Variants in PCDHA8 observed in about 807,000 individuals in gnomAD.
PCDHA8 encodes protocadherin alpha 8.
PCDHA8 carries 53 observed loss-of-function variants against 61.8 expected under a neutral mutation model. That is an observed-to-expected ratio of 0.86 (90% CI 0.69 to 1.08). The LOEUF (loss-of-function observed/expected upper bound fraction) is 1.08, where lower values mean the gene tolerates loss of function less well. Among genes scored for constraint, PCDHA8 ranks in the 50% least tolerant of loss-of-function variants. PCDHA8 has a pLI of 0.00. For synonymous variants in PCDHA8, 618 were observed against 556.6 expected (o/e 1.11, Z -1.55); for missense variants, 1,293 against 1,245.0 (o/e 1.04, Z -0.58).
intron 3 of PCDHA8, among the ~76,000 whole-genome samples, chr5:141,004,751 T>C (rs1323540564): frequency 2.0e-5 from 3 of 152,182 alleles, no homozygotes; most frequent in African/African-American, 7.2e-5. Flanking sequence ...TCTCAGTCTC[T>C]TAGAGACAGG....
At chr5:140,908,727 G>A (rs1388044565) in intron 1 of PCDHA8, among the ~76,000 whole-genome samples, 1 of 152,136 alleles carries the variant, frequency 6.6e-6, no homozygotes, top group Non-Finnish European at 1.5e-5. Context: ...GGGTCATATG[G>A]CTCGAGAAAC....
At chr5:140,918,111 C>A (rs1035723043) in intron 1 of PCDHA8, among the ~76,000 whole-genome samples, 1 of 152,016 alleles carries the variant, frequency 6.6e-6, no homozygotes, top group Admixed American at 6.6e-5. Flanking sequence ...CTTTCACATC[C>A]TTGATTAGCC....
chr5:140,966,816 G>A lies in PCDHA8; in HGVS notation c.2395-12133G>A, dbSNP rs1448171487. On this transcript the variant is annotated intron_variant, in intron 1 of 3. Transcript: ENST00000531613. ...GCGGCGACAGAGCATCCACGGCTCC[G>A]GCGGCCCATGCCCTGGCTGCTGCTA... 5.2e-6 allele frequency: 8 copies of A among 1,553,302 alleles called. No homozygotes were observed. The East Asian group carries it at 7.2e-5, about 14-fold the overall frequency.
At chr5:140,994,036 A>G (rs1176195849) in intron 3 of PCDHA8, among the ~76,000 whole-genome samples, 1 of 152,210 alleles carries the variant, frequency 6.6e-6, no homozygotes, top group African/African-American at 2.4e-5. Flanking sequence ...AATATTAAAT[A>G]TAACACAGTC....
chr5:140,842,383 C>G lies in PCDHA8; in HGVS notation c.1062C>G (p.Ser354=), dbSNP rs1554138979. 20 of 1,610,678 alleles carry G rather than the reference C, an allele frequency of 1.2e-5. No individual in the cohort carries two copies. In the South Asian group the frequency reaches 2.2e-4, roughly 18 times the overall value. The change falls in exon 1 of 4, where the codon TCC becomes TCG. Residue 354 remains serine (S), a synonymous_variant. Coordinates refer to ENST00000531613, the MANE Select transcript of PCDHA8 (RefSeq NM_018911.3). ...NDNVPEIALT[S]LSLPVREDAQ... is the part of the protein sequence containing the mutation. ...ACGTCCCTGAGATAGCACTGACTTC[C>G]TTATCCTTGCCTGTACGTGAAGACG... is the stretch of plus-strand genomic sequence containing the variant.
chr5:140,988,201 A>C (rs2097286908), intron 3 of PCDHA8, among the ~76,000 whole-genome samples: 1 of 152,064 alleles, frequency 6.6e-6, no homozygotes, highest in Non-Finnish European at 1.5e-5. Context: ...GCATATCCTT[A>C]TTAGGAAAAA....
intron 1 of PCDHA8, among the ~76,000 whole-genome samples, chr5:140,962,475 T>C (rs772721001): frequency 2.0e-5 from 3 of 152,232 alleles, no homozygotes; most frequent in Non-Finnish European, 4.4e-5. Context: ...TCTCTTTGTT[T>C]ATTCTAAGCA....
At chr5:140,887,431 A>C (rs2061444829) in intron 1 of PCDHA8, among the ~76,000 whole-genome samples, 1 of 152,112 alleles carries the variant, frequency 6.6e-6, no homozygotes, top group African/African-American at 2.4e-5. Context: ...AAGTATTTTC[A>C]CTGGGCATAG....
chr5:140,877,027 G>T lies in PCDHA8; in HGVS notation c.2394+33312G>T, dbSNP rs376609696. 1.3e-4 allele frequency: 211 copies of T among 1,612,282 alleles called. No individual in the cohort carries two copies. Among genetic ancestry groups the T allele is most frequent in the Admixed American group, 2.7e-4 (16 of 60,002 alleles). On this transcript the variant is annotated intron_variant, in intron 1 of 3. Coordinates refer to ENST00000531613, the MANE Select transcript of PCDHA8 (RefSeq NM_018911.3). ...GCACGCGGAGAGCGGCAAGGTGTAC[G>T]CGCTGCAGCCGCTAGACCACGAGGA...
chr5:140,905,399 A>AT (rs1414882789), intron 1 of PCDHA8, among the ~76,000 whole-genome samples: 8 of 152,142 alleles, frequency 5.3e-5, no homozygotes, highest in African/African-American at 1.9e-4. Context: ...CTGTGTGCCT[A>AT]TTTTTATACC....
At chr5:140,997,329 T>C (rs1030113015) in intron 3 of PCDHA8, among the ~76,000 whole-genome samples, 1 of 152,228 alleles carries the variant, frequency 6.6e-6, no homozygotes, top group African/African-American at 2.4e-5. Context: ...AGTTTTTTCG[T>C]TGTACAAATA....
chr5:140,882,565 C>A (rs782122682), intron 1 of PCDHA8: 9 of 1,614,118 alleles, frequency 5.6e-6, no homozygotes, highest in African/African-American at 2.7e-5. Flanking sequence ...GTGGGCGGAG[C>A]GCGGAGTGCA....
chr5:140,874,093 TG>T, intron 1 of PCDHA8, among the ~76,000 whole-genome samples: 2 of 152,364 alleles, frequency 1.3e-5, no homozygotes, highest in Middle Eastern at 6.8e-3. Context: ...AATTCAAATA[TG>T]TTTTTAATTA....
intron 1 of PCDHA8, among the ~76,000 whole-genome samples, chr5:140,912,818 A>T (rs2076075875): frequency 6.6e-6 from 1 of 152,052 alleles, no homozygotes; most frequent in South Asian, 2.1e-4. Context: ...TCATAAAGGG[A>T]TTTTGAATTT....
intron 1 of PCDHA8, among the ~76,000 whole-genome samples, chr5:140,933,309 A>G (rs183796217): frequency 4.7e-4 from 72 of 152,092 alleles, no homozygotes; most frequent in Middle Eastern, 6.8e-3. Context: ...TAAATATGCA[A>G]TCTCGTATTC....
chr5:140,870,353 T>C lies in PCDHA8; in HGVS notation c.2394+26638T>C, dbSNP rs782038424. On this transcript the variant is annotated intron_variant, in intron 1 of 3. Transcript: ENST00000531613. ...GACAGCGCCCTGGACCGCGAGAACG[T>C]GTGGGCCTATGAACTGGTGGTGACT... is the stretch of plus-strand genomic sequence containing the variant. The C allele has an allele frequency of 3.7e-6, 6 of 1,614,002 alleles. No homozygotes were observed. The Admixed American group carries it at 8.3e-5, about 22-fold the overall frequency.
rs76033389 is a variant in PCDHA8, at chr5:140,874,549, G to A, written c.2394+30834G>A. Among the ~76,000 whole-genome samples, 707 of 152,298 alleles carry A rather than the reference G, an allele frequency of 4.6e-3. 3 individuals are homozygous for A. The highest frequency in any genetic ancestry group is 0.016 in the African/African-American group (683 of 41,566). On this transcript the variant is annotated intron_variant, in intron 1 of 3. Transcript: ENST00000531613. ...GATTAGGCTCCAAAACCCTTTAAGA[G>A]ATCTTTCGCATTTTAGTGCTCCATT...
chr5:140,997,675 TG>T (rs1554255972), intron 3 of PCDHA8, among the ~76,000 whole-genome samples: 41 of 151,686 alleles, frequency 2.7e-4, no homozygotes, highest in African/African-American at 9.7e-4. Flanking sequence ...AGCTTGTGTG[TG>T]TGTGTGTGTG....
At chr5:140,917,278 C>T (rs188364646) in intron 1 of PCDHA8, among the ~76,000 whole-genome samples, 198 of 143,570 alleles carry the variant, frequency 1.4e-3, no homozygotes, top group South Asian at 9.8e-3. Flanking sequence ...TTTGTAATGA[C>T]GCTTTTCCGT....
Sources: allele counts gnomAD v4.1 joint callset (sites outside exome capture counted in the v4.1 genomes callset), GRCh38; gene constraint gnomAD v4.1.1; transcripts MANE v1.5; gene names NCBI Gene and HGNC (gene_info 2026-07-23, HGNC 2026-07-21).